PIP5K1A: variants seen among roughly 807,000 people sequenced by gnomAD.
PIP5K1A encodes phosphatidylinositol 4-phosphate 5-kinase type-1 alpha.
Under a neutral mutation model 72.9 loss-of-function variants are expected in PIP5K1A, and 46 were observed. The ratio of observed to expected loss-of-function variants is 0.63; its 90% CI spans 0.50 to 0.81. PIP5K1A has a LOEUF of 0.81. PIP5K1A is among the 30% of genes least tolerant of loss of function. The pLI is 0.00. For missense variants in PIP5K1A, 458 were observed against 706.1 expected (o/e 0.65, Z 3.98); for synonymous variants, 228 against 255.1 (o/e 0.89, Z 1.01).
At chr1:151,202,270 C>G (rs1685310439) in intron 1 of PIP5K1A, among the ~76,000 whole-genome samples, 1 of 152,192 alleles carries the variant, frequency 6.6e-6, no homozygotes, top group Non-Finnish European at 1.5e-5. Context: ...TTCACCAAAA[C>G]TTAAGTGGAG....
At chr1:151,225,070 C>T (rs1688910081) in intron 3 of PIP5K1A, among the ~76,000 whole-genome samples, 2 of 152,178 alleles carry the variant, frequency 1.3e-5, no homozygotes, top group Non-Finnish European at 2.9e-5. Context: ...CACGGTTGCT[C>T]ATGCTTGTAA....
At chr1:151,240,727 G>A (rs1281418586) in intron 12 of PIP5K1A, among the ~76,000 whole-genome samples, 1 of 151,854 alleles carries the variant, frequency 6.6e-6, no homozygotes, top group Non-Finnish European at 1.5e-5. Flanking sequence ...CGATAGTTTG[G>A]AACCAGCCTG....
intron 3 of PIP5K1A, among the ~76,000 whole-genome samples, chr1:151,226,681 C>G (rs1468366898): frequency 1.4e-5 from 2 of 147,302 alleles, no homozygotes; most frequent in African/African-American, 2.5e-5. Flanking sequence ...GCATTGCACT[C>G]CAGCCCAGGC....
At chr1:151,210,619 C>G (rs587719477) in intron 1 of PIP5K1A, among the ~76,000 whole-genome samples, 3 of 152,254 alleles carry the variant, frequency 2.0e-5, no homozygotes, top group Admixed American at 1.3e-4. Flanking sequence ...GAGTCTCGCT[C>G]TGTTGCCCAG....
chr1:151,215,639 G>A (rs1470671531), intron 1 of PIP5K1A, among the ~76,000 whole-genome samples: 1 of 152,128 alleles, frequency 6.6e-6, no homozygotes, highest in Non-Finnish European at 1.5e-5. Flanking sequence ...TTTTTTAAAA[G>A]ATAAAAAAGT....
chr1:151,229,438 CA>C (rs1217080082), intron 4 of PIP5K1A, among the ~76,000 whole-genome samples: 2 of 150,804 alleles, frequency 1.3e-5, no homozygotes, highest in Admixed American at 1.3e-4. Context: ...CTCCACTCAC[CA>C]AAACCTCTGC....
chr1:151,232,898 A>C (rs1690301421), intron 7 of PIP5K1A, among the ~76,000 whole-genome samples, 195 bp downstream of exon 7: 1 of 152,090 alleles, frequency 6.6e-6, no homozygotes, highest in Non-Finnish European at 1.5e-5. Context: ...CAGGAGATCA[A>C]GACCATCCTG....
At chr1:151,214,905 AC>A (rs1412556508) in intron 1 of PIP5K1A, among the ~76,000 whole-genome samples, 2 of 150,716 alleles carry the variant, frequency 1.3e-5, no homozygotes, top group Admixed American at 1.3e-4. Context: ...TTTAGTGGAG[AC>A]CAGTTTTCAC....
In PIP5K1A at chr1:151,212,747, G is replaced by A. The variant is rs1381059756; in HGVS notation, c.86-11498G>A. ...ACGCCACCACGCCTAGCCAATTTCT[G>A]TATTTTTAGTAGAGACGGGGTTTTA... On this transcript the variant is annotated intron_variant, in intron 1 of 15. Transcript: ENST00000368888. Among the ~76,000 whole-genome samples, 3 of 145,700 alleles carry A rather than the reference G, an allele frequency of 2.1e-5. No homozygotes were observed. In the East Asian group the frequency reaches 6.2e-4, roughly 30 times the overall value.
chr1:151,232,427 G>T lies in PIP5K1A; in HGVS notation c.486+62G>T. On this transcript the variant is annotated intron_variant, in intron 6 of 15. Coordinates refer to ENST00000368888, the MANE Select transcript of PIP5K1A (RefSeq NM_001135638.2). ...ATCAGAGGGATATTCCCAAAGGAAGGCCCCTTTTCTCCACAGTCTCGCTCT... is the reference window on the plus strand; with the variant it reads ...ATCAGAGGGATATTCCCAAAGGAAGTCCCCTTTTCTCCACAGTCTCGCTCT... 4 of 1,482,696 alleles carry T rather than the reference G, an allele frequency of 2.7e-6. No individual in the cohort carries two copies. The South Asian group carries it at 4.5e-5, about 17-fold the overall frequency. 91.8% of individuals were successfully genotyped at this position (1,482,696 alleles called of 1,614,324 possible).
At position 151,198,959 on chromosome 1, in the gene PIP5K1A, AAG is replaced by A. The variant is rs1684801731; in HGVS notation, c.-33_-32del. ...CCGAGAAGAGGAAGAACCGGATTGA[AAG>A]AGAGCCAGGCCGCTGAGGGGGAGGG... On this transcript the variant is annotated 5_prime_UTR_variant, in exon 1 of 16. Transcript: ENST00000368888. 2 of 1,592,650 alleles carry A rather than the reference AAG, an allele frequency of 1.3e-6. No homozygotes were observed. The highest frequency in any genetic ancestry group is 1.7e-6 in the Non-Finnish European group (2 of 1,161,124).
intron 1 of PIP5K1A, among the ~76,000 whole-genome samples, chr1:151,207,706 A>C (rs763313574): frequency 1.3e-5 from 2 of 150,924 alleles, no homozygotes; most frequent in African/African-American, 4.9e-5. Context: ...TAATTTTTGT[A>C]TTTTTAGCAG....
In PIP5K1A at chr1:151,198,693, G is replaced by T; in HGVS notation, c.-304G>T. The T allele has an allele frequency of 2.4e-6, 1 of 420,914 alleles. No individual in the cohort carries two copies. 26.1% of individuals were successfully genotyped at this position (420,914 alleles called of 1,614,324 possible). A position where few individuals can be genotyped will look rare whatever the true frequency, so the allele number is the denominator to read the frequency against. On this transcript the variant is annotated 5_prime_UTR_variant, in exon 1 of 16. Coordinates refer to ENST00000368888, the MANE Select transcript of PIP5K1A (RefSeq NM_001135638.2). ...TTTTCAGATGTGGCTTGGTCTGGGC[G>T]CAAGGTCCCAGCAGCCAGCTTAAGC...
At chr1:151,198,026 A>C (rs587626273), upstream of PIP5K1A, 1 of 470,664 alleles carries the variant, frequency 2.1e-6, no homozygotes, top group East Asian at 7.0e-5. Context: ...TCATGCATCA[A>C]ATATTTACTG....
intron 1 of PIP5K1A, among the ~76,000 whole-genome samples, chr1:151,218,744 A>C (rs955580875): frequency 6.0e-5 from 9 of 149,518 alleles, no homozygotes; most frequent in African/African-American, 1.5e-4. Flanking sequence ...GAGGCAGGAG[A>C]ATCGCTTGAA....
At chr1:151,195,737 ACT>A (rs1684538939), upstream of PIP5K1A, among the ~76,000 whole-genome samples, 2 of 151,510 alleles carry the variant, frequency 1.3e-5, no homozygotes, top group South Asian at 4.2e-4. Context: ...ACAGAGCCAG[ACT>A]CTGTCTCAAA....
chr1:151,205,431 T>A (rs61817972), intron 1 of PIP5K1A, among the ~76,000 whole-genome samples: 1 of 151,646 alleles, frequency 6.6e-6, no homozygotes, highest in African/African-American at 2.4e-5. Flanking sequence ...CTGCCTTGGC[T>A]TCCCAAAGTT....
At chr1:151,214,497 C>T (rs1055193026) in intron 1 of PIP5K1A, among the ~76,000 whole-genome samples, 19 of 152,066 alleles carry the variant, frequency 1.2e-4, no homozygotes, top group African/African-American at 3.9e-4. Context: ...TCTCGTGCCT[C>T]AGCATCCCTA....
intron 1 of PIP5K1A, among the ~76,000 whole-genome samples, chr1:151,219,765 A>G (rs780096005): frequency 8.0e-5 from 12 of 150,494 alleles, no homozygotes; most frequent in Non-Finnish European, 7.4e-5. Context: ...GTACTTTGGG[A>G]GGCTGAGGTG....
Sources: allele counts gnomAD v4.1 joint callset (sites outside exome capture counted in the v4.1 genomes callset), GRCh38; gene constraint gnomAD v4.1.1; transcripts MANE v1.5; gene names NCBI Gene and HGNC (gene_info 2026-07-23, HGNC 2026-07-21).